PLEKHA5: variants seen among roughly 807,000 people sequenced by gnomAD.
PLEKHA5 encodes the protein pleckstrin homology domain-containing family A member 5.
Under a neutral mutation model 181.9 loss-of-function variants are expected in PLEKHA5, and 55 were observed. That is an observed-to-expected ratio of 0.30 (90% CI 0.24 to 0.38). PLEKHA5 has a LOEUF of 0.38. PLEKHA5 is among the 10% of genes least tolerant of loss of function. The pLI, the probability that PLEKHA5 is intolerant of heterozygous loss-of-function variation, is 1.00. For missense variants in PLEKHA5, 1,432 were observed against 1,549.5 expected (o/e 0.92, Z 1.27); for synonymous variants, 535 against 529.4 (o/e 1.01, Z -0.15).
At chr12:19,183,926 G>A (rs1214498322) in intron 3 of PLEKHA5, among the ~76,000 whole-genome samples, 1 of 151,996 alleles carries the variant, frequency 6.6e-6, no homozygotes, top group Non-Finnish European at 1.5e-5. Context: ...TGTTGGCCAG[G>A]CTGGTCTCGA....
At chr12:19,285,251 G>A (rs984104623) in intron 12 of PLEKHA5, among the ~76,000 whole-genome samples, 1 of 152,158 alleles carries the variant, frequency 6.6e-6, no homozygotes, top group Admixed American at 6.5e-5. Flanking sequence ...ACAACTTAAT[G>A]TGTATGGTCT....
chr12:19,181,924 CTG>C (rs999477300), intron 3 of PLEKHA5, among the ~76,000 whole-genome samples: 1 of 152,160 alleles, frequency 6.6e-6, no homozygotes, highest in African/African-American at 2.4e-5. Flanking sequence ...AGAAATAAAA[CTG>C]AGGATTATGT....
intron 30 of PLEKHA5, among the ~76,000 whole-genome samples, chr12:19,367,431 T>C (rs993893460): frequency 6.6e-6 from 1 of 150,622 alleles, no homozygotes; most frequent in African/African-American, 2.4e-5. Flanking sequence ...AATTTTTGTA[T>C]TTTTGTAGAG....
At chr12:19,348,040 G>A (rs1413729689) in intron 24 of PLEKHA5, among the ~76,000 whole-genome samples, 2 of 151,888 alleles carry the variant, frequency 1.3e-5, no homozygotes, top group Non-Finnish European at 2.9e-5. Context: ...ACACCACCAT[G>A]CCCAGCTAAT....
chr12:19,231,586 T>A (rs957969296), intron 3 of PLEKHA5, among the ~76,000 whole-genome samples: 3 of 127,768 alleles, frequency 2.3e-5, no homozygotes, highest in African/African-American at 3.1e-5. Context: ...GTATATATAT[T>A]TATATATGTA....
chr12:19,172,553 G>A (rs1418844824), intron 3 of PLEKHA5, among the ~76,000 whole-genome samples: 1 of 152,100 alleles, frequency 6.6e-6, no homozygotes, highest in African/African-American at 2.4e-5. Flanking sequence ...TAGTCATTAG[G>A]GAAATGCAAA....
intron 26 of PLEKHA5, among the ~76,000 whole-genome samples, chr12:19,357,462 T>A (rs1384061054): frequency 1.3e-5 from 2 of 152,102 alleles, no homozygotes; most frequent in Non-Finnish European, 2.9e-5. Flanking sequence ...GCCAGGCTGG[T>A]CTTGAACTCC....
intron 3 of PLEKHA5, among the ~76,000 whole-genome samples, chr12:19,181,130 G>A (rs1448488054): frequency 1.3e-5 from 2 of 152,048 alleles, no homozygotes; most frequent in African/African-American, 4.8e-5. Context: ...CTATTTACTT[G>A]AGATGACCTG....
chr12:19,265,144 T>A (rs2069899474), intron 7 of PLEKHA5, among the ~76,000 whole-genome samples: 1 of 152,206 alleles, frequency 6.6e-6, no homozygotes, highest in African/African-American at 2.4e-5. Flanking sequence ...AGTTCAAATA[T>A]GTATTCACAT....
intron 3 of PLEKHA5, among the ~76,000 whole-genome samples, chr12:19,178,332 G>A (rs557077037): frequency 1.8e-4 from 28 of 152,124 alleles, no homozygotes; most frequent in Non-Finnish European, 3.4e-4. Flanking sequence ...AGGAGACATC[G>A]CTGAAACATC....
intron 22 of PLEKHA5, among the ~76,000 whole-genome samples, chr12:19,344,412 T>C (rs1450978772): frequency 6.6e-6 from 1 of 152,196 alleles, no homozygotes; most frequent in East Asian, 1.9e-4. Context: ...ATAATTTGCT[T>C]TTTTCTCCAT....
intron 3 of PLEKHA5, among the ~76,000 whole-genome samples, chr12:19,188,512 A>G (rs917480228): frequency 9.8e-5 from 15 of 152,326 alleles, no homozygotes; most frequent in African/African-American, 3.1e-4. Context: ...TGTCTTTCAT[A>G]TAAAGATTTC....
At chr12:19,338,434 A>G (rs572452992) in intron 21 of PLEKHA5, among the ~76,000 whole-genome samples, 100 of 152,078 alleles carry the variant, frequency 6.6e-4, no homozygotes, top group African/African-American at 2.3e-3. Context: ...AGCCTGGCCA[A>G]CGCAGTGAAA....
At chr12:19,281,226 CAAA>C (rs199800119) in intron 11 of PLEKHA5, among the ~76,000 whole-genome samples, 3 of 96,496 alleles carry the variant, frequency 3.1e-5, no homozygotes, top group Admixed American at 2.2e-4. Context: ...GAATCCATCT[CAAA>C]AAAAAAAAAA....
intron 26 of PLEKHA5, among the ~76,000 whole-genome samples, chr12:19,355,408 G>A (rs1565656669): frequency 7.0e-6 from 1 of 142,180 alleles, no homozygotes; most frequent in African/African-American, 2.6e-5. Context: ...CTGAAGTGCA[G>A]TGGCATGATC....
intron 29 of PLEKHA5, among the ~76,000 whole-genome samples, chr12:19,362,192 G>C (rs371640633): frequency 2.7e-5 from 3 of 110,006 alleles, no homozygotes; most frequent in Non-Finnish European, 5.8e-5. Context: ...AAAAAAAAAA[G>C]GCATAATAAC....
intron 3 of PLEKHA5, among the ~76,000 whole-genome samples, chr12:19,168,816 A>G (rs376750212): frequency 5.3e-5 from 8 of 152,326 alleles, no homozygotes; most frequent in African/African-American, 1.4e-4. Flanking sequence ...AATAATGGTG[A>G]AATAATGAGT....
At chr12:19,228,475 T>A (rs2059994248) in intron 3 of PLEKHA5, among the ~76,000 whole-genome samples, 1 of 152,230 alleles carries the variant, frequency 6.6e-6, no homozygotes, top group African/African-American at 2.4e-5. Flanking sequence ...GAACAATAGC[T>A]ATTGCAAAAT....
At chr12:19,169,378 C>T (rs1385074778) in intron 3 of PLEKHA5, among the ~76,000 whole-genome samples, 1 of 152,134 alleles carries the variant, frequency 6.6e-6, no homozygotes, top group Non-Finnish European at 1.5e-5. Context: ...TTTCTCCCTG[C>T]CTAGTACTGG....
Sources: allele counts gnomAD v4.1 joint callset (sites outside exome capture counted in the v4.1 genomes callset), GRCh38; gene constraint gnomAD v4.1.1; transcripts MANE v1.5; gene names NCBI Gene and HGNC (gene_info 2026-07-23, HGNC 2026-07-21).